Variants in POLR3B observed in about 807,000 individuals in gnomAD.
POLR3B encodes RNA polymerase III subunit B.
A neutral mutation model predicts 147.4 loss-of-function variants in POLR3B; 96 were observed. The ratio of observed to expected loss-of-function variants is 0.65; its 90% confidence interval spans 0.55 to 0.77. The LOEUF is 0.77. Among genes scored for constraint, POLR3B ranks in the 30% least tolerant of loss-of-function variants. The pLI, the probability that POLR3B is intolerant of heterozygous loss-of-function variation, is 0.00. For missense variants in POLR3B, 1,036 were observed against 1,413.5 expected (o/e 0.73, Z 4.28); for synonymous variants, 461 against 485.9 (o/e 0.95, Z 0.67).
rs999070714 is a variant in POLR3B, at chr12:106,395,001, T to C, written c.846+1848T>C. Among the ~76,000 whole-genome samples the C allele has an allele frequency of 2.0e-5, 3 of 152,346 alleles. No individual in the cohort carries two copies. The East Asian group carries it at 5.8e-4, about 29-fold the overall frequency. The stretch of plus-strand genomic sequence containing the variant: ...GTAGTAAGTACACTTTATATTAGTC[T>C]GTTCTCACATTGCTATAAAGAAACA... On this transcript the variant is annotated intron_variant, in intron 10 of 27. Coordinates refer to ENST00000228347, the MANE Select transcript of POLR3B (RefSeq NM_018082.6).
chr12:106,448,601 T>C (rs1264025559), intron 19 of POLR3B, among the ~76,000 whole-genome samples: 1 of 151,626 alleles, frequency 6.6e-6, no homozygotes, highest in Non-Finnish European at 1.5e-5. Context: ...TATGCCCAGC[T>C]AATTTTTTTT....
intron 6 of POLR3B, among the ~76,000 whole-genome samples, chr12:106,371,627 A>G (rs562791557): frequency 7.1e-6 from 1 of 141,768 alleles, no homozygotes; most frequent in African/African-American, 2.4e-5. Context: ...TGATGAGTTC[A>G]TGTCCTTTGT....
At chr12:106,470,023 T>C (rs902625585) in intron 23 of POLR3B, among the ~76,000 whole-genome samples, 18 of 152,382 alleles carry the variant, frequency 1.2e-4, no homozygotes, top group Admixed American at 5.2e-4. Flanking sequence ...GAAGTTCTCC[T>C]GGATAATATC....
chr12:106,457,991 AAG>A (rs2037886590), intron 21 of POLR3B, among the ~76,000 whole-genome samples: 1 of 152,182 alleles, frequency 6.6e-6, no homozygotes, highest in Non-Finnish European at 1.5e-5. Flanking sequence ...AAAGGTCTGA[AAG>A]AAGACCAGCG....
intron 18 of POLR3B, among the ~76,000 whole-genome samples, chr12:106,441,865 G>C (rs377587379): frequency 4.4e-4 from 67 of 152,306 alleles, no homozygotes; most frequent in African/African-American, 1.5e-3. Flanking sequence ...CAGATCACCT[G>C]AGGTTGGGAG....
At chr12:106,358,026 CG>C in intron 1 of POLR3B, 75 bp downstream of exon 1, 1 of 1,583,050 alleles carries the variant, frequency 6.3e-7, no homozygotes, top group Non-Finnish European at 8.5e-7. Flanking sequence ...GTGCTCGGGC[CG>C]CCAAGGGGGC....
At chr12:106,509,397 AC>A in intron 27 of POLR3B, 22 bp from the exon 28 acceptor site, 4 of 1,613,022 alleles carry the variant, frequency 2.5e-6, no homozygotes, top group Non-Finnish European at 3.4e-6. Context: ...TGTCTGTCTA[AC>A]GCTTGCTGAC....
At chr12:106,393,803 CA>C (rs763877124) in intron 10 of POLR3B, among the ~76,000 whole-genome samples, 3,943 of 148,236 alleles carry the variant, frequency 0.027, 67 homozygotes, top group Non-Finnish European at 0.037. Context: ...CACACACACA[CA>C]CCCCATAGTA....
intron 11 of POLR3B, 113 bp downstream of exon 11, chr12:106,406,089 T>C: frequency 9.0e-7 from 1 of 1,113,038 alleles, no homozygotes; most frequent in Non-Finnish European, 1.3e-6. Flanking sequence ...GAGAAAATTC[T>C]AAAGAGGACT....
intron 8 of POLR3B, 103 bp downstream of exon 8, chr12:106,378,487 G>A: frequency 1.4e-6 from 1 of 699,224 alleles, no homozygotes; most frequent in Non-Finnish European, 2.5e-6. Flanking sequence ...CCCTCTAAAA[G>A]CAGGCATTGT....
At chr12:106,364,604 C>G (rs976426604) in intron 2 of POLR3B, among the ~76,000 whole-genome samples, 1 of 152,218 alleles carries the variant, frequency 6.6e-6, no homozygotes, top group Non-Finnish European at 1.5e-5. Flanking sequence ...TCCTAGATAT[C>G]TGTCCAAGAG....
At chr12:106,431,361 A>G (rs1052692395) in intron 14 of POLR3B, among the ~76,000 whole-genome samples, 1 of 152,214 alleles carries the variant, frequency 6.6e-6, no homozygotes, top group African/African-American at 2.4e-5. Flanking sequence ...TTCATTTCCC[A>G]GAGATTGCTT....
chr12:106,380,221 A>G, intron 9 of POLR3B, 82 bp downstream of exon 9: 1 of 813,548 alleles, frequency 1.2e-6, no homozygotes, highest in Non-Finnish European at 2.1e-6. Flanking sequence ...TTTGGAGGGT[A>G]AGGAATTCTT....
intron 18 of POLR3B, among the ~76,000 whole-genome samples, chr12:106,442,237 A>G (rs776304501): frequency 1.2e-4 from 18 of 151,752 alleles, no homozygotes; most frequent in Non-Finnish European, 2.4e-4. Flanking sequence ...GAGTTTATGT[A>G]TGTTGTCACC....
intron 18 of POLR3B, among the ~76,000 whole-genome samples, chr12:106,439,819 G>C (rs183320212): frequency 6.6e-6 from 1 of 152,224 alleles, no homozygotes; most frequent in East Asian, 1.9e-4. Flanking sequence ...CAATTTGGGA[G>C]GCTAAGGCAT....
intron 9 of POLR3B, among the ~76,000 whole-genome samples, chr12:106,389,338 T>C (rs2036883615): frequency 1.3e-5 from 2 of 152,224 alleles, no homozygotes; most frequent in African/African-American, 2.4e-5. Context: ...GTAATCATGC[T>C]TTTTGCACAT....
intron 17 of POLR3B, 150 bp from the exon 18 acceptor site, chr12:106,437,531 A>G (rs1453498142): frequency 4.5e-6 from 3 of 660,182 alleles, no homozygotes; most frequent in South Asian, 1.7e-5. Context: ...TGAGCTAAGA[A>G]TAACATGTTT....
intron 19 of POLR3B, among the ~76,000 whole-genome samples, chr12:106,445,701 A>G (rs2037713443): frequency 1.3e-5 from 2 of 152,216 alleles, no homozygotes; most frequent in South Asian, 2.1e-4. Flanking sequence ...CATGACACCA[A>G]TATGATTGCC....
intron 25 of POLR3B, among the ~76,000 whole-genome samples, chr12:106,500,782 G>A (rs538891348): frequency 7.5e-4 from 114 of 152,298 alleles, no homozygotes; most frequent in Middle Eastern, 3.4e-3. Context: ...GCGGGACACT[G>A]GAATAGGAAA....
Sources: gnomAD v4.1 joint callset for allele counts (sites outside exome capture counted in the v4.1 genomes callset) on GRCh38, gnomAD v4.1.1 for gene constraint, MANE v1.5 for transcripts, NCBI Gene and HGNC (gene_info 2026-07-23, HGNC 2026-07-21) for gene names.